Variants in ITGA9 observed in about 807,000 individuals in gnomAD.
The protein encoded by ITGA9 is integrin alpha-9.
ITGA9 carries 56 observed loss-of-function variants against 127.8 expected under a neutral mutation model. The ratio of observed to expected loss-of-function variants is 0.44; its 90% CI spans 0.35 to 0.55. ITGA9 has a LOEUF of 0.55. Ranked by LOEUF, ITGA9 falls within the 20% of genes least tolerant of loss-of-function variation. ITGA9 has a pLI of 0.00. For missense variants in ITGA9, 1,196 were observed against 1,347.1 expected, an observed-to-expected ratio of 0.89 and a Z score of 1.76; for synonymous variants, 508 against 514.5, an observed-to-expected ratio of 0.99 and a Z score of 0.17.
intron 17 of ITGA9, among the ~76,000 whole-genome samples, chr3:37,668,268 T>G (rs11918076): frequency 6.6e-6 from 1 of 152,268 alleles, no homozygotes; most frequent in East Asian, 1.9e-4. Flanking sequence ...GCTGGCCACG[T>G]GCTCATAGCG....
intron 15 of ITGA9, among the ~76,000 whole-genome samples, chr3:37,590,440 T>C (rs562280248): frequency 2.0e-5 from 3 of 152,152 alleles, no homozygotes; most frequent in African/African-American, 4.8e-5. Flanking sequence ...GGGTTCTTGT[T>C]CTCTGACCAA....
Position 37,473,397 on chromosome 3 carries a change from C to T in ITGA9, c.357C>T (p.Asp119=), listed in dbSNP as rs764089004. The T allele has an allele frequency of 6.8e-6, 11 of 1,614,084 alleles. No individual in the cohort carries two copies. Among genetic ancestry groups the T allele is most frequent in the Non-Finnish European group, 7.6e-6 (9 of 1,180,002 alleles). ...GTSCGKTCRE[D]RDDEWMGVSL... ...CCTGCGGAAAGACCTGCCGGGAAGA[C>T]CGCGATGATGAGTGGATGGGGGTGA... Residue 119 remains aspartate, a synonymous_variant, in exon 3 of 28, where the codon GAC becomes GAT. Coordinates refer to ENST00000264741, the MANE Select transcript of ITGA9 (RefSeq NM_002207.3).
At chr3:37,696,684 C>T (rs899360180) in intron 18 of ITGA9, among the ~76,000 whole-genome samples, 1 of 152,196 alleles carries the variant, frequency 6.6e-6, no homozygotes, top group Non-Finnish European at 1.5e-5. Context: ...ATTCAACCAG[C>T]CCAGCATAGT....
chr3:37,557,943 CTT>C (rs1699446826), intron 15 of ITGA9, among the ~76,000 whole-genome samples: 1 of 152,206 alleles, frequency 6.6e-6, no homozygotes, highest in Non-Finnish European at 1.5e-5. Flanking sequence ...AGTTCTATGA[CTT>C]TGAATGCAAA....
At chr3:37,539,296 C>A (rs1489220701) in intron 14 of ITGA9, among the ~76,000 whole-genome samples, 1 of 152,220 alleles carries the variant, frequency 6.6e-6, no homozygotes, top group African/African-American at 2.4e-5. Flanking sequence ...GTGGTTGATA[C>A]ACAAATGATC....
In ITGA9 at chr3:37,790,432, A is replaced by G. The variant is rs527647537; in HGVS notation, c.2889+5354A>G. ...GTTGGAATGCCTGATCCTGCGAGTC[A>G]CTGCAGCCCCCATCTCATAACATGA... is the stretch of plus-strand genomic sequence containing the variant. On this transcript the variant is annotated intron_variant, in intron 26 of 27. Coordinates refer to ENST00000264741, the MANE Select transcript of ITGA9 (RefSeq NM_002207.3). 7.0e-6 allele frequency: 3 copies of G among 427,316 alleles called. No homozygotes were observed. The East Asian group carries it at 2.0e-4, about 28-fold the overall frequency. 26.5% of individuals were successfully genotyped at this position (427,316 alleles called of 1,614,324 possible).
chr3:37,669,923 G>T (rs1245651110), intron 17 of ITGA9, among the ~76,000 whole-genome samples: 1 of 152,096 alleles, frequency 6.6e-6, no homozygotes, highest in East Asian at 1.9e-4. Context: ...CTGAAGACAG[G>T]TACAGTCCTT....
At chr3:37,644,422 C>A (rs973974867) in intron 16 of ITGA9, among the ~76,000 whole-genome samples, 1 of 151,732 alleles carries the variant, frequency 6.6e-6, no homozygotes, top group African/African-American at 2.4e-5. Context: ...GGATGATGGA[C>A]AATGGAGGGG....
intron 25 of ITGA9, among the ~76,000 whole-genome samples, chr3:37,781,329 T>A (rs888951823): frequency 2.0e-5 from 3 of 152,214 alleles, no homozygotes; most frequent in Non-Finnish European, 4.4e-5. Context: ...TTGCAACTGT[T>A]CAACTCTGCC....
chr3:37,467,178 G>A (rs1166649706), intron 1 of ITGA9, among the ~76,000 whole-genome samples: 1 of 152,166 alleles, frequency 6.6e-6, no homozygotes, highest in East Asian at 1.9e-4. Context: ...ACATTCCCGC[G>A]TGCCACCTCG....
At chr3:37,587,208 C>A (rs1333824780) in intron 15 of ITGA9, among the ~76,000 whole-genome samples, 11 of 152,024 alleles carry the variant, frequency 7.2e-5, no homozygotes, top group Non-Finnish European at 1.3e-4. Flanking sequence ...GTATGTATGC[C>A]CCAGGACAGA....
chr3:37,625,949 T>G (rs1700172331), intron 15 of ITGA9, among the ~76,000 whole-genome samples: 1 of 152,178 alleles, frequency 6.6e-6, no homozygotes, highest in South Asian at 2.1e-4. Context: ...TTCAGACTTC[T>G]TAATTAAAAT....
chr3:37,562,024 T>C (rs1256033781), intron 15 of ITGA9, among the ~76,000 whole-genome samples: 1 of 152,198 alleles, frequency 6.6e-6, no homozygotes, highest in African/African-American at 2.4e-5. Context: ...ACACTGGCCA[T>C]CCTTCAGCTC....
chr3:37,548,445 G>A (rs1699348768), intron 15 of ITGA9, among the ~76,000 whole-genome samples: 1 of 152,178 alleles, frequency 6.6e-6, no homozygotes, highest in African/African-American at 2.4e-5. Flanking sequence ...TGAATGTTAT[G>A]TATGTAAATT....
At chr3:37,640,034 C>T (rs1235569274) in intron 16 of ITGA9, among the ~76,000 whole-genome samples, 1 of 152,196 alleles carries the variant, frequency 6.6e-6, no homozygotes, top group Non-Finnish European at 1.5e-5. Flanking sequence ...GCTTCATCAG[C>T]AGGCCCCCAA....
At chr3:37,575,159 G>A (rs564086562) in intron 15 of ITGA9, among the ~76,000 whole-genome samples, 12 of 152,234 alleles carry the variant, frequency 7.9e-5, no homozygotes, top group African/African-American at 2.9e-4. Context: ...CCCGTGCCCT[G>A]TGCTGCTGGT....
At chr3:37,479,949 C>G (rs561741756) in intron 3 of ITGA9, among the ~76,000 whole-genome samples, 2 of 152,090 alleles carry the variant, frequency 1.3e-5, no homozygotes, top group African/African-American at 4.8e-5. Flanking sequence ...TTATCACTTA[C>G]GAAAACAATG....
intron 21 of ITGA9, among the ~76,000 whole-genome samples, chr3:37,743,186 A>G (rs572180903): frequency 1.3e-4 from 20 of 152,354 alleles, no homozygotes; most frequent in Non-Finnish European, 2.6e-4. Context: ...ATAATGCACT[A>G]AACATTGAAA....
chr3:37,778,776 C>A (rs1229317936), intron 24 of ITGA9, among the ~76,000 whole-genome samples: 3 of 151,740 alleles, frequency 2.0e-5, no homozygotes, highest in Non-Finnish European at 4.4e-5. Context: ...CTCTAAGCTC[C>A]TTATTTCAGC....
Sources: gnomAD v4.1 joint callset for allele counts (sites outside exome capture counted in the v4.1 genomes callset) on GRCh38, gnomAD v4.1.1 for gene constraint, MANE v1.5 for transcripts, NCBI Gene and HGNC (gene_info 2026-07-23, HGNC 2026-07-21) for gene names.